Variants in ZGRF1 observed in about 807,000 individuals in gnomAD.
The protein encoded by ZGRF1 is 5'-3' DNA helicase ZGRF1.
In ZGRF1, 196 loss-of-function variants were observed where a neutral mutation model predicts 203.5. That is an observed-to-expected ratio of 0.96 (90% confidence interval 0.86 to 1.08). ZGRF1 has a LOEUF of 1.08. Ranked by LOEUF, ZGRF1 falls within the 50% of genes least tolerant of loss-of-function variation. ZGRF1 has a pLI of 0.00. For synonymous variants in ZGRF1, 809 were observed against 841.3 expected, an observed-to-expected ratio of 0.96 and a Z score of 0.66; for missense variants, 2,326 against 2,416.3, an observed-to-expected ratio of 0.96 and a Z score of 0.78.
rs1747455268 is a variant in ZGRF1, at chr4:112,587,729, A to G, written c.3328T>C (p.Ser1110Pro). The part of the protein sequence containing the change: ...LNLCEKSAVL[S>P]FSIEPEDQNE... Reference sequence around the variant, plus strand: ...TGGTCCTCAGGCTCAATGCTAAACGAAAGAACTGCTGACTTTTCACACAAA... The same window carrying G: ...TGGTCCTCAGGCTCAATGCTAAACGGAAGAACTGCTGACTTTTCACACAAA... Residue 1110 changes from serine to proline, a missense_variant, in exon 12 of 28, where the codon TCG (serine) becomes CCG (proline). Coordinates refer to ENST00000505019, the MANE Select transcript of ZGRF1 (RefSeq NM_018392.5). 2 of 1,574,492 alleles carry G rather than the reference A, an allele frequency of 1.3e-6. No homozygotes were observed. Among genetic ancestry groups the G allele is most frequent in the East Asian group, 2.3e-5 (1 of 42,664 alleles).
At chr4:112,549,307 A>G (rs945879069) in intron 22 of ZGRF1, among the ~76,000 whole-genome samples, 3 of 152,174 alleles carry the variant, frequency 2.0e-5, no homozygotes, top group African/African-American at 7.2e-5. Context: ...GAAATCTATG[A>G]ATTTTCTAAT....
intron 24 of ZGRF1, among the ~76,000 whole-genome samples, chr4:112,543,069 A>G (rs973770349): frequency 6.6e-6 from 1 of 152,112 alleles, no homozygotes; most frequent in Non-Finnish European, 1.5e-5. Context: ...TTTACTTTTA[A>G]TAATTGTGAA....
rs181661796 is a variant in ZGRF1 at position 112,576,654 on chromosome 4, G to T, written c.4438+5009C>A. Among the ~76,000 whole-genome samples, 24 of 152,272 alleles carry T rather than the reference G, an allele frequency of 1.6e-4. No individual in the cohort carries two copies. In the East Asian group the frequency reaches 3.5e-3, roughly 22 times the overall value. The stretch of plus-strand genomic sequence containing the variant: ...ATGCACAAGACTCAGTAGCCGATTC[G>T]ATCAACTGGAAGAAAGGGTATCAGT... On this transcript the variant is annotated intron_variant, in intron 16 of 27. Coordinates refer to ENST00000505019, the MANE Select transcript of ZGRF1 (RefSeq NM_018392.5).
At chr4:112,570,927 A>G (rs1744093908) in intron 16 of ZGRF1, among the ~76,000 whole-genome samples, 1 of 151,958 alleles carries the variant, frequency 6.6e-6, no homozygotes, top group Non-Finnish European at 1.5e-5. Flanking sequence ...CCATGGTGAA[A>G]CCCTGTCTCT....
intron 24 of ZGRF1, among the ~76,000 whole-genome samples, chr4:112,545,453 G>A (rs1052600285): frequency 6.6e-6 from 1 of 152,138 alleles, no homozygotes; most frequent in African/African-American, 2.4e-5. Flanking sequence ...CACCCATTAG[G>A]ATGGCTATGA....
In ZGRF1 at chr4:112,548,327, A is replaced by T; in HGVS notation, c.5400T>A (p.Asp1800Glu). ...CAACPFPCMN[D>E]LKFPVVVLDE... ...CCAGCACAACTACAGGAAATTTAAG[A>T]TCATTCATGCATGGGAATGGGCAGG... is the stretch of plus-strand genomic sequence containing the variant. The change falls in exon 23 of 28, where the codon GAT becomes GAA. Residue 1800 changes from aspartate (D) to glutamate (E), a missense_variant. Physicochemically the swap from Asp to Glu is conservative, Grantham distance 45. Transcript: ENST00000505019. 6.4e-7 allele frequency: 1 copy of T among 1,554,382 alleles called. No individual in the cohort carries two copies. Among genetic ancestry groups the T allele is most frequent in the South Asian group, 1.2e-5 (1 of 84,102 alleles).
chr4:112,599,968 T>C (rs1435807503), intron 10 of ZGRF1, among the ~76,000 whole-genome samples: 2 of 152,166 alleles, frequency 1.3e-5, no homozygotes, highest in East Asian at 1.9e-4. Flanking sequence ...AAACTGTAGA[T>C]CAAAATGTGA....
intron 16 of ZGRF1, among the ~76,000 whole-genome samples, chr4:112,569,775 C>T (rs1217970401): frequency 6.6e-6 from 1 of 151,858 alleles, no homozygotes. Context: ...TTACAAGTCA[C>T]GTCTTTAAAA....
intron 12 of ZGRF1, 79 bp from the exon 13 acceptor site, chr4:112,586,662 C>T (rs905056741): frequency 3.6e-6 from 4 of 1,103,300 alleles, no homozygotes; most frequent in Non-Finnish European, 4.9e-6. Flanking sequence ...TTTTCATAGA[C>T]ATTTTTTAAA....
At chr4:112,584,829 A>C (rs1384385910) in intron 14 of ZGRF1, among the ~76,000 whole-genome samples, 1 of 152,226 alleles carries the variant, frequency 6.6e-6, no homozygotes, top group African/African-American at 2.4e-5. Flanking sequence ...ATGAAAGCAC[A>C]GTTCTACAAT....
intron 10 of ZGRF1, among the ~76,000 whole-genome samples, chr4:112,600,367 C>A (rs911043768): frequency 6.6e-6 from 1 of 151,978 alleles, no homozygotes; most frequent in Non-Finnish European, 1.5e-5. Context: ...AAGCGCTAAT[C>A]GTAAAGGAAA....
intron 4 of ZGRF1, among the ~76,000 whole-genome samples, chr4:112,620,454 C>T (rs1393372597): frequency 1.3e-5 from 2 of 152,044 alleles, no homozygotes; most frequent in Non-Finnish European, 2.9e-5. Context: ...TAGCTCACAC[C>T]CGTAATCGCA....
chr4:112,618,652 T>G lies in ZGRF1; in HGVS notation c.1390A>C (p.Thr464Pro). ...TACTCCTTTTCCAGTGTTCCACATGTATTTACCTCCTGAGCATTTTCTTTA... is the reference window on the plus strand; with the variant it reads ...TACTCCTTTTCCAGTGTTCCACATGGATTTACCTCCTGAGCATTTTCTTTA... ...LIKENAQEVN[T>P]CGTLEKEYEQ... Residue 464 changes from threonine to proline, a missense_variant, in exon 6 of 28, where the codon ACA (threonine) becomes CCA (proline). Physicochemically the swap from Thr to Pro is conservative, Grantham distance 38. Transcript: ENST00000505019. The G allele has an allele frequency of 6.2e-7, 1 of 1,613,384 alleles. No homozygotes were observed. Among genetic ancestry groups the G allele is most frequent in the Non-Finnish European group, 8.5e-7 (1 of 1,179,760 alleles).
At position 112,585,706 on chromosome 4, in the gene ZGRF1, C is replaced by G. The variant is rs1208182215; in HGVS notation, c.3936G>C (p.Leu1312=). Residue 1312 remains leucine, a synonymous_variant, in exon 14 of 28, where the codon CTG becomes CTC. Transcript: ENST00000505019. ...SCLIEHLNIL[L]FGLAQNLQKA... The stretch of plus-strand genomic sequence containing the variant: ...TCTGCAGGTTTTGTGCTAACCCAAA[C>G]AGCAATATATTTAGATGTTCTACAA... 6.7e-7 allele frequency: 1 copy of G among 1,484,276 alleles called. No homozygotes were observed. The highest frequency in any genetic ancestry group is 9.0e-7 in the Non-Finnish European group (1 of 1,116,462). The allele number at this position is 1,484,276 out of a possible 1,614,324, so 91.9% of individuals were successfully genotyped here.
intron 1 of ZGRF1, among the ~76,000 whole-genome samples, chr4:112,636,415 T>A (rs2047641328): frequency 6.6e-6 from 1 of 151,802 alleles, no homozygotes; most frequent in Non-Finnish European, 1.5e-5. Flanking sequence ...AAACAAGGAG[T>A]ATTTTTTGAA....
At chr4:112,616,753 CT>C in intron 6 of ZGRF1, among the ~76,000 whole-genome samples, 1 of 151,440 alleles carries the variant, frequency 6.6e-6, no homozygotes, top group East Asian at 1.9e-4. Flanking sequence ...AGGAGAATCA[CT>C]TGAACCCAGG....
chr4:112,581,701 T>C lies in ZGRF1; in HGVS notation c.4400A>G (p.Lys1467Arg). 1 of 1,582,986 alleles carries C rather than the reference T, an allele frequency of 6.3e-7. No individual in the cohort carries two copies. The highest frequency in any genetic ancestry group is 8.6e-7 in the Non-Finnish European group (1 of 1,169,112). Residue 1467 changes from lysine to arginine, a missense_variant, in exon 16 of 28, where the codon AAG becomes AGG. Transcript: ENST00000505019. ...YNEPKTKLYL[K>R]LSRKERSSAY... is the part of the protein sequence containing the mutation. Reference sequence around the variant, plus strand: ...TGAAGATCTTTCCTTCCGACTTAGCTTAAGATAAAGTTTGGTTTTTGGTTC... The same window carrying C: ...TGAAGATCTTTCCTTCCGACTTAGCCTAAGATAAAGTTTGGTTTTTGGTTC...
At chr4:112,623,780 A>G (rs745834934) in intron 4 of ZGRF1, 37 bp downstream of exon 4, 56 of 1,076,418 alleles carry the variant, frequency 5.2e-5, no homozygotes, top group South Asian at 1.4e-5. Context: ...AGATTTTTAA[A>G]TAATAACTTA....
chr4:112,544,354 G>A (rs889734455), intron 24 of ZGRF1, among the ~76,000 whole-genome samples: 3 of 152,128 alleles, frequency 2.0e-5, no homozygotes, highest in Admixed American at 6.5e-5. Context: ...CCAACCCAAT[G>A]CCATAAACTT....
Sources: allele counts gnomAD v4.1 joint callset (sites outside exome capture counted in the v4.1 genomes callset), GRCh38; gene constraint gnomAD v4.1.1; transcripts MANE v1.5; gene names NCBI Gene and HGNC (gene_info 2026-07-23, HGNC 2026-07-21).